Variants in SPIRE1 observed in about 807,000 individuals in gnomAD.
The protein encoded by SPIRE1 is protein spire homolog 1.
In SPIRE1, 40 loss-of-function variants were observed where a neutral mutation model predicts 94.1. The observed-to-expected ratio is 0.43, with a 90% CI of 0.33 to 0.55. The LOEUF is 0.55. Ranked by LOEUF, SPIRE1 falls within the 20% of genes least tolerant of loss-of-function variation. The pLI is 0.06. For synonymous variants in SPIRE1, 376 were observed against 371.7 expected, an observed-to-expected ratio of 1.01 and a Z score of -0.13; for missense variants, 838 against 975.2, an observed-to-expected ratio of 0.86 and a Z score of 1.87.
At chr18:12,507,090 C>T (rs959185430) in intron 5 of SPIRE1, among the ~76,000 whole-genome samples, 31 of 152,122 alleles carry the variant, frequency 2.0e-4, no homozygotes, top group Non-Finnish European at 2.4e-4. Context: ...ATTATGGCCA[C>T]GAAAATGTCA....
At chr18:12,549,433 A>AT (rs2035273272) in intron 2 of SPIRE1, among the ~76,000 whole-genome samples, 1 of 16,068 alleles carries the variant, frequency 6.2e-5, no homozygotes, top group Non-Finnish European at 1.4e-4. Flanking sequence ...TGTTTTTGTT[A>AT]TTGTTGTTTT....
Position 12,605,974 on chromosome 18 carries a change from C to T in SPIRE1, c.372+29088G>A, listed in dbSNP as rs556128934. Among the ~76,000 whole-genome samples the T allele has an allele frequency of 5.9e-5, 9 of 152,208 alleles. No individual in the cohort carries two copies. The South Asian group carries it at 1.9e-3, about 32-fold the overall frequency. ...CACCTAGGCATCTTCCCACTGCAGG[C>T]CTTTGTGCTTGCTTCTTCTTCTGCC... On this transcript the variant is annotated intron_variant, in intron 2 of 16. Coordinates refer to ENST00000409402, the MANE Select transcript of SPIRE1 (RefSeq NM_001128626.2).
At chr18:12,658,143 C>G (rs1211218049), upstream of SPIRE1, 16 of 949,290 alleles carry the variant, frequency 1.7e-5, no homozygotes, top group African/African-American at 2.9e-4. Context: ...CTCGCGCCGT[C>G]CAGCGCCGCC....
chr18:12,453,304 A>C (rs1442589861), intron 13 of SPIRE1, among the ~76,000 whole-genome samples, 166 bp from the exon 14 acceptor site: 1 of 152,220 alleles, frequency 6.6e-6, no homozygotes, highest in African/African-American at 2.4e-5. Context: ...TGATGCTGAT[A>C]ATGTAGCTCT....
intron 2 of SPIRE1, among the ~76,000 whole-genome samples, chr18:12,628,898 T>C (rs1464082545): frequency 6.6e-6 from 1 of 152,184 alleles, no homozygotes; most frequent in Non-Finnish European, 1.5e-5. Flanking sequence ...TTCTTCAAGA[T>C]GCATGTGGGA....
At chr18:12,557,285 C>A (rs1304415452) in intron 2 of SPIRE1, among the ~76,000 whole-genome samples, 6 of 152,228 alleles carry the variant, frequency 3.9e-5, no homozygotes, top group Non-Finnish European at 7.3e-5. Flanking sequence ...CTGCAGGTCC[C>A]AAGCCCTGCC....
intron 3 of SPIRE1, among the ~76,000 whole-genome samples, chr18:12,542,345 C>T (rs377712853): frequency 6.6e-6 from 1 of 152,144 alleles, no homozygotes; most frequent in East Asian, 1.9e-4. Context: ...TACTTTCAGT[C>T]CACGTCAATT....
intron 2 of SPIRE1, among the ~76,000 whole-genome samples, chr18:12,626,867 A>AATAT (rs1555634098): frequency 0.014 from 1,502 of 110,376 alleles, 22 homozygotes; most frequent in Non-Finnish European, 0.019. Context: ...TAAGCTGTAA[A>AATAT]ATATATATAT....
intron 2 of SPIRE1, among the ~76,000 whole-genome samples, chr18:12,554,879 T>C (rs2035455205): frequency 2.0e-5 from 3 of 152,148 alleles, no homozygotes; most frequent in Admixed American, 2.0e-4. Context: ...CTTGAAAAAG[T>C]TTCATTTGTC....
intron 8 of SPIRE1, among the ~76,000 whole-genome samples, chr18:12,491,250 C>T (rs1299201289): frequency 1.6e-5 from 2 of 122,720 alleles, no homozygotes; most frequent in Admixed American, 8.0e-5. Flanking sequence ...CAATAGAATC[C>T]CCAAGAAAAT....
In SPIRE1 at chr18:12,448,618, A is replaced by G. The variant is rs2031062500; in HGVS notation, c.*1020T>C. 1 of 152,194 alleles carries G rather than the reference A, an allele frequency of 6.6e-6. No individual in the cohort carries two copies. Among genetic ancestry groups the G allele is most frequent in the South Asian group, 2.1e-4 (1 of 4,832 alleles). The allele number at this position is 152,194 out of a possible 1,614,324, so 9.4% of individuals were successfully genotyped here. The stretch of plus-strand genomic sequence containing the variant: ...TTTCTTCTAACTTTAAAAGAAGTAG[A>G]TATTTTTTCTTTTAAAATTCATTTA... On this transcript the variant is annotated 3_prime_UTR_variant, in exon 17 of 17. Coordinates refer to ENST00000409402, the MANE Select transcript of SPIRE1 (RefSeq NM_001128626.2). This position sits in a 1 kb window ranked among gnomAD's most constrained non-coding sequence, Gnocchi z 4.4.
chr18:12,600,840 T>A (rs1439619910), intron 2 of SPIRE1, among the ~76,000 whole-genome samples: 1 of 148,046 alleles, frequency 6.8e-6, no homozygotes, highest in Admixed American at 6.8e-5. Context: ...TCCTCCTAAG[T>A]CAGCCTCCAG....
At chr18:12,630,766 C>A (rs990539036) in intron 2 of SPIRE1, among the ~76,000 whole-genome samples, 1 of 152,180 alleles carries the variant, frequency 6.6e-6, no homozygotes, top group African/African-American at 2.4e-5. Flanking sequence ...CAAGGGCCAC[C>A]TAACAAGGCC....
chr18:12,631,365 A>G (rs1236290446), intron 2 of SPIRE1, among the ~76,000 whole-genome samples: 1 of 151,944 alleles, frequency 6.6e-6, no homozygotes, highest in African/African-American at 2.4e-5. Flanking sequence ...TAAAAAAATG[A>G]GAACAGTGGA....
chr18:12,607,427 TTGAATGAG>T (rs1463945457), intron 2 of SPIRE1, among the ~76,000 whole-genome samples: 1 of 152,164 alleles, frequency 6.6e-6, no homozygotes, highest in Non-Finnish European at 1.5e-5. Flanking sequence ...TCCTAAGGCA[TTGAATGAG>T]CTTGGTTCTA....
At chr18:12,606,361 G>T (rs1055119607) in intron 2 of SPIRE1, among the ~76,000 whole-genome samples, 1 of 151,524 alleles carries the variant, frequency 6.6e-6, no homozygotes, top group South Asian at 2.1e-4. Flanking sequence ...AAAGACAGAA[G>T]AAAAAAGAGA....
At chr18:12,626,584 A>G (rs1005474804) in intron 2 of SPIRE1, among the ~76,000 whole-genome samples, 17 of 152,272 alleles carry the variant, frequency 1.1e-4, no homozygotes, top group African/African-American at 4.1e-4. Context: ...AGGAGATACA[A>G]AGGCATCTCA....
Position 12,472,367 on chromosome 18 carries a change from C to CTTT in SPIRE1, c.1404+7329_1404+7331dup, listed in dbSNP as rs964687204. Among the ~76,000 whole-genome samples the CTTT allele has an allele frequency of 9.6e-5, 13 of 135,022 alleles. 3 individuals carry two copies. The highest frequency in any genetic ancestry group is 1.4e-4 in the African/African-American group (5 of 36,746). 88.6% of individuals were successfully genotyped at this position (135,022 alleles called of 152,430 possible). ...CATTATAGCGACACCATGCCCTGTG[C>CTTT]TTTTTTTTTTTTTTTTTTGAGACAG... is the stretch of plus-strand genomic sequence containing the variant. On this transcript the variant is annotated intron_variant, in intron 10 of 16. Coordinates refer to ENST00000409402, the MANE Select transcript of SPIRE1 (RefSeq NM_001128626.2).
chr18:12,450,525 A>C (rs2031180856), intron 16 of SPIRE1: 2 of 556,518 alleles, frequency 3.6e-6, no homozygotes, highest in South Asian at 2.8e-5. Context: ...AGAGAAGAAC[A>C]TAAGAAGAAG....
Sources: gnomAD v4.1 joint callset for allele counts (sites outside exome capture counted in the v4.1 genomes callset) on GRCh38, gnomAD v4.1.1 for gene constraint, Gnocchi (gnomAD v3.1) non-coding constraint, MANE v1.5 for transcripts, NCBI Gene and HGNC (gene_info 2026-07-23, HGNC 2026-07-21) for gene names.